PARP8: variants seen among roughly 807,000 people sequenced by gnomAD.
PARP8 encodes poly(ADP-ribose) polymerase family member 8, also known as protein mono-ADP-ribosyltransferase PARP8.
In PARP8, 51 loss-of-function variants were observed where a neutral mutation model predicts 124.1. The ratio of observed to expected loss-of-function variants is 0.41; its 90% CI spans 0.33 to 0.52. The LOEUF (loss-of-function observed/expected upper bound fraction) is 0.52. Among genes scored for constraint, PARP8 ranks in the 20% least tolerant of loss-of-function variants. The pLI is 0.21. For synonymous variants in PARP8, 391 were observed against 361.5 expected, an observed-to-expected ratio of 1.08 and a Z score of -0.93; for missense variants, 860 against 1,018.9, an observed-to-expected ratio of 0.84 and a Z score of 2.12.
intron 3 of PARP8, 71 bp downstream of exon 3, chr5:50,750,259 GTAAAACGCATA>G: frequency 8.0e-7 from 1 of 1,249,486 alleles, no homozygotes; most frequent in African/African-American, 1.5e-5. Flanking sequence ...TTCTGGAGAT[GTAAAACGCATA>G]TAAATATATT....
At chr5:50,737,711 A>G (rs1757612696) in intron 2 of PARP8, among the ~76,000 whole-genome samples, 1 of 152,180 alleles carries the variant, frequency 6.6e-6, no homozygotes. Context: ...ATCTACATTT[A>G]GAGCTTAGTT....
At position 50,795,271 on chromosome 5, in the gene PARP8, T is replaced by C. The variant is rs576587289; in HGVS notation, c.1282T>C (p.Leu428=). 12 of 1,614,102 alleles carry C rather than the reference T, an allele frequency of 7.4e-6. No homozygotes were observed. In the Admixed American group the frequency reaches 1.0e-4, roughly 13 times the overall value. ...EELYGLKNHK[L]LSKSYSSAPK... is the part of the protein sequence containing the mutation. Reference sequence around the variant, plus strand: ...ATTATATGGACTGAAAAATCACAAATTGCTCAGCAAGTCCTACTCCAGTGC... The same window carrying C: ...ATTATATGGACTGAAAAATCACAAACTGCTCAGCAAGTCCTACTCCAGTGC... Residue 428 remains leucine, a synonymous_variant, in exon 12 of 26, where the codon TTG becomes CTG. Coordinates refer to ENST00000281631, the MANE Select transcript of PARP8 (RefSeq NM_024615.4).
chr5:50,754,116 C>CATATATAT (rs373375463), intron 3 of PARP8, among the ~76,000 whole-genome samples: 852 of 63,666 alleles, frequency 0.013, 9 homozygotes, highest in Non-Finnish European at 0.015. Flanking sequence ...TGAAAACATT[C>CATATATAT]ATATATATAT....
At chr5:50,705,691 A>G (rs1754068995) in intron 2 of PARP8, among the ~76,000 whole-genome samples, 1 of 152,094 alleles carries the variant, frequency 6.6e-6, no homozygotes, top group Admixed American at 6.6e-5. Context: ...AGGCTGAGGC[A>G]TGAGAGTCTC....
intron 2 of PARP8, among the ~76,000 whole-genome samples, chr5:50,675,895 A>C (rs985734317): frequency 3.3e-5 from 5 of 152,068 alleles, no homozygotes; most frequent in African/African-American, 1.2e-4. Flanking sequence ...TAGAACTCCA[A>C]CTCCTAGCCA....
intron 2 of PARP8, among the ~76,000 whole-genome samples, chr5:50,737,430 T>C (rs1342442868): frequency 6.6e-6 from 1 of 152,190 alleles, no homozygotes; most frequent in African/African-American, 2.4e-5. Context: ...ATTAGGAGTT[T>C]CTGAATTCTG....
chr5:50,827,765 C>G (rs1746507342), intron 19 of PARP8, among the ~76,000 whole-genome samples, 179 bp from the exon 20 acceptor site: 1 of 152,156 alleles, frequency 6.6e-6, no homozygotes, highest in South Asian at 2.1e-4. Flanking sequence ...TTCCATGTGA[C>G]TTATCACTTG....
chr5:50,798,577 C>A (rs538592165), intron 14 of PARP8, among the ~76,000 whole-genome samples: 3 of 151,996 alleles, frequency 2.0e-5, no homozygotes, highest in East Asian at 1.9e-4. Context: ...CCCGCCACCA[C>A]GCCCGGCTGA....
At position 50,760,358 on chromosome 5, in the gene PARP8, G is replaced by A. The variant is rs760123129; in HGVS notation, c.341G>A (p.Gly114Glu). The change falls in exon 5 of 26, where the codon GGG becomes GAG. Residue 114 changes from glycine (G) to glutamate (E), a missense_variant. Coordinates refer to ENST00000281631, the MANE Select transcript of PARP8 (RefSeq NM_024615.4). Reference sequence around the variant, plus strand: ...AAATCCAAATTACAAAAGGAAAATGGGGAGGTATGTAAATTATATTTTTTA... The same window carrying A: ...AAATCCAAATTACAAAAGGAAAATGAGGAGGTATGTAAATTATATTTTTTA... ...SIKSKLQKENGEESRQNSTVE... is the reference protein window; with the variant it reads ...SIKSKLQKENEEESRQNSTVE... The A allele has an allele frequency of 6.6e-7, 1 of 1,518,058 alleles. No homozygotes were observed. The allele number at this position is 1,518,058 out of a possible 1,614,324, so 94.0% of individuals were successfully genotyped here. A position where few individuals can be genotyped will look rare whatever the true frequency, so the allele number is the denominator to read the frequency against.
chr5:50,699,846 G>A (rs1753402743), intron 2 of PARP8, among the ~76,000 whole-genome samples: 1 of 152,090 alleles, frequency 6.6e-6, no homozygotes, highest in Admixed American at 6.6e-5. Flanking sequence ...AAGTTGCTAG[G>A]ACATAAGAGG....
chr5:50,689,578 A>C (rs1752266490), intron 2 of PARP8, among the ~76,000 whole-genome samples: 2 of 152,174 alleles, frequency 1.3e-5, no homozygotes, highest in Non-Finnish European at 2.9e-5. Context: ...GCTTCCTCTC[A>C]CATTTCATGG....
intron 2 of PARP8, among the ~76,000 whole-genome samples, chr5:50,710,007 C>T (rs1455892022): frequency 6.8e-6 from 1 of 147,584 alleles, no homozygotes; most frequent in Admixed American, 6.8e-5. Flanking sequence ...TACACACACA[C>T]ATATATACAC....
chr5:50,820,383 C>A (rs1201452057), intron 15 of PARP8, among the ~76,000 whole-genome samples: 1 of 152,110 alleles, frequency 6.6e-6, no homozygotes, highest in African/African-American at 2.4e-5. Context: ...GAACTCTGAC[C>A]ATTTAGGCAG....
At chr5:50,773,637 G>T in intron 7 of PARP8, among the ~76,000 whole-genome samples, 1 of 151,874 alleles carries the variant, frequency 6.6e-6, no homozygotes. Flanking sequence ...GGCTATTTGG[G>T]GTCTTTTGTG....
chr5:50,801,261 G>A (rs818984), intron 14 of PARP8, among the ~76,000 whole-genome samples: 2 of 151,974 alleles, frequency 1.3e-5, no homozygotes, highest in Non-Finnish European at 2.9e-5. Flanking sequence ...CACCACACCC[G>A]GCTAATTTTG....
chr5:50,785,472 ATCT>A (rs1325035776), intron 9 of PARP8, among the ~76,000 whole-genome samples: 2 of 152,038 alleles, frequency 1.3e-5, no homozygotes, highest in African/African-American at 4.8e-5. Context: ...CTCTGCCCTC[ATCT>A]TCCCACTTTT....
intron 2 of PARP8, among the ~76,000 whole-genome samples, chr5:50,670,617 C>CTATT: frequency 6.6e-6 from 1 of 152,328 alleles, no homozygotes; most frequent in East Asian, 1.9e-4. Context: ...TAACATCTTG[C>CTATT]TATTCTGCCT....
chr5:50,730,242 A>G (rs1756841506), intron 2 of PARP8, among the ~76,000 whole-genome samples: 1 of 151,990 alleles, frequency 6.6e-6, no homozygotes, highest in South Asian at 2.1e-4. Context: ...TAAATGTCAA[A>G]CTGTATTAGT....
intron 2 of PARP8, among the ~76,000 whole-genome samples, chr5:50,713,567 T>C (rs560065613): frequency 5.9e-5 from 9 of 152,092 alleles, no homozygotes; most frequent in Non-Finnish European, 1.2e-4. Flanking sequence ...TAATCTCATT[T>C]AATTTTTTCA....
Sources: gnomAD v4.1 joint callset for allele counts (sites outside exome capture counted in the v4.1 genomes callset) on GRCh38, gnomAD v4.1.1 for gene constraint, MANE v1.5 for transcripts, NCBI Gene and HGNC (gene_info 2026-07-23, HGNC 2026-07-21) for gene names.